GPHN: variants seen among roughly 807,000 people sequenced by gnomAD.
GPHN encodes gephyrin.
Under a neutral mutation model 95.5 loss-of-function variants are expected in GPHN, and 17 were observed. That is an observed-to-expected ratio of 0.18 (90% confidence interval 0.12 to 0.27). The LOEUF is 0.27. Ranked by LOEUF, GPHN falls within the 10% of genes least tolerant of loss-of-function variation. The probability of loss-of-function intolerance (pLI) is 1.00; values close to 1 mark genes in which losing one functional copy is unlikely to be tolerated. For synonymous variants in GPHN, 320 were observed against 322.5 expected (o/e 0.99, Z 0.08); for missense variants, 660 against 978.1 (o/e 0.67, Z 4.34).
the GPHN span, among the ~76,000 whole-genome samples, chr14:67,496,391 GTTTTT>G: frequency 3.3e-5 from 1 of 30,108 alleles, no homozygotes; most frequent in Non-Finnish European, 5.8e-5. Flanking sequence ...CTGCTCCGGC[GTTTTT>G]TTTTTTTTTT....
chr14:67,429,597 G>A, the GPHN span, among the ~76,000 whole-genome samples: 1,830 of 152,026 alleles, frequency 0.012, 13 homozygotes, highest in Middle Eastern at 0.02. Flanking sequence ...TTGGCAAGGT[G>A]TGATAGCAGG....
At chr14:67,535,370 CTTTTTTTTTTTTTT>C in the GPHN span, among the ~76,000 whole-genome samples, 141 of 74,228 alleles carry the variant, frequency 1.9e-3, 1 homozygote, top group African/African-American at 7.2e-3. Flanking sequence ...GTGAGCACAT[CTTTTTTTTTTTTTT>C]TTTTTTTTTT....
chr14:67,554,999 A>G, the GPHN span, among the ~76,000 whole-genome samples: 1 of 151,904 alleles, frequency 6.6e-6, no homozygotes, highest in Non-Finnish European at 1.5e-5. Context: ...TACAGCTTCA[A>G]CCTCCCAGGC....
At chr14:66,823,689 T>C (rs1004417627) in intron 3 of GPHN, among the ~76,000 whole-genome samples, 3 of 152,210 alleles carry the variant, frequency 2.0e-5, no homozygotes, top group African/African-American at 7.2e-5. Flanking sequence ...TTGGATTTAT[T>C]CTAAATAATC....
rs968578758 is a variant in GPHN at position 66,508,342 on chromosome 14, C to A, written c.-186C>A. ...TCCCCTCCCGCGGACCCGCGCACTC[C>A]CGGCGCGGCCTCTCCCCCACGCAGG... On this transcript the variant is annotated 5_prime_UTR_variant, in exon 1 of 23. Transcript: ENST00000478722. 1.6e-6 allele frequency: 1 copy of A among 638,438 alleles called. No individual in the cohort carries two copies. Among genetic ancestry groups the A allele is most frequent in the Non-Finnish European group, 2.8e-6 (1 of 357,176 alleles). 39.5% of individuals were successfully genotyped at this position (638,438 alleles called of 1,614,324 possible).
At chr14:67,531,850 T>G in the GPHN span, among the ~76,000 whole-genome samples, 1 of 135,318 alleles carries the variant, frequency 7.4e-6, no homozygotes, top group Non-Finnish European at 1.5e-5. Flanking sequence ...CAAGTTACAG[T>G]GAGCTATGAT....
intron 3 of GPHN, among the ~76,000 whole-genome samples, chr14:66,792,513 C>T (rs2060007121): frequency 6.6e-6 from 1 of 151,092 alleles, no homozygotes; most frequent in Non-Finnish European, 1.5e-5. Flanking sequence ...GTCAGTCAAC[C>T]AAGGAATACT....
chr14:67,587,606 G>A, the GPHN span: 19 of 288,342 alleles, frequency 6.6e-5, no homozygotes, highest in East Asian at 1.0e-4. Context: ...TGGGGGGGGC[G>A]GGGGACACAG....
At chr14:67,598,940 C>A in the GPHN span, among the ~76,000 whole-genome samples, 1 of 66,232 alleles carries the variant, frequency 1.5e-5, no homozygotes, top group Non-Finnish European at 3.6e-5. Context: ...CAACTCCAGA[C>A]CTCAAGTGAT....
chr14:66,896,798 C>CAAACAAAA (rs1367669195), intron 5 of GPHN, among the ~76,000 whole-genome samples: 1 of 150,840 alleles, frequency 6.6e-6, no homozygotes, highest in Non-Finnish European at 1.5e-5. Flanking sequence ...GAGAAAAAAA[C>CAAACAAAA]AAACAAACAA....
At chr14:67,305,264 A>G in the GPHN span, among the ~76,000 whole-genome samples, 1 of 152,166 alleles carries the variant, frequency 6.6e-6, no homozygotes, top group East Asian at 1.9e-4. Context: ...GTCTTTTGAG[A>G]ATAAATGTCA....
chr14:67,407,138 T>C, the GPHN span, among the ~76,000 whole-genome samples: 1 of 152,112 alleles, frequency 6.6e-6, no homozygotes, highest in African/African-American at 2.4e-5. Flanking sequence ...TACTTTTTTT[T>C]TGAGACGGAG....
At chr14:67,619,948 C>T in the GPHN span, 2 of 1,484,332 alleles carry the variant, frequency 1.3e-6, no homozygotes, top group African/African-American at 1.4e-5. Flanking sequence ...CGCGGAGCCT[C>T]TGCCTTGGAG....
chr14:67,046,361 A>C (rs567494143), intron 10 of GPHN, among the ~76,000 whole-genome samples: 1 of 152,306 alleles, frequency 6.6e-6, no homozygotes, highest in South Asian at 2.1e-4. Flanking sequence ...TACTCTAGGC[A>C]GAAACAGCAT....
At chr14:67,391,796 A>G in the GPHN span, among the ~76,000 whole-genome samples, 3 of 152,174 alleles carry the variant, frequency 2.0e-5, no homozygotes, top group Non-Finnish European at 4.4e-5. Flanking sequence ...TGCTCTCCCA[A>G]ACACGGTTTA....
intron 3 of GPHN, among the ~76,000 whole-genome samples, chr14:66,793,774 A>G (rs1238679383): frequency 1.3e-5 from 2 of 152,224 alleles, no homozygotes; most frequent in Admixed American, 1.3e-4. Context: ...AACGATTAAG[A>G]ATATAGCTCC....
intron 13 of GPHN, among the ~76,000 whole-genome samples, chr14:67,102,223 C>T (rs996273490): frequency 1.4e-4 from 21 of 151,964 alleles, no homozygotes; most frequent in African/African-American, 3.6e-4. Flanking sequence ...CGGTGAGTTA[C>T]GAAGGTTGAT....
chr14:66,967,276 C>A (rs955640898), intron 9 of GPHN, among the ~76,000 whole-genome samples: 5 of 151,820 alleles, frequency 3.3e-5, no homozygotes, highest in Non-Finnish European at 7.4e-5. Flanking sequence ...AGGAGTTAGT[C>A]TATTCCAATT....
chr14:67,392,375 G>C, the GPHN span: 1 of 1,613,956 alleles, frequency 6.2e-7, no homozygotes, highest in Admixed American at 1.7e-5. Context: ...TAACTCCACA[G>C]TGCTCAGGCT....
Sources: gnomAD v4.1 joint callset for allele counts (sites outside exome capture counted in the v4.1 genomes callset) on GRCh38, gnomAD v4.1.1 for gene constraint, MANE v1.5 for transcripts, NCBI Gene and HGNC (gene_info 2026-07-23, HGNC 2026-07-21) for gene names.